The following PHACTR1 variants were observed in gnomAD, a reference collection of about 807,000 sequenced individuals.
The protein encoded by PHACTR1 is phosphatase and actin regulator 1.
In PHACTR1, 16 loss-of-function variants were observed where a neutral mutation model predicts 69.2. The ratio of observed to expected loss-of-function variants is 0.23; its 90% CI spans 0.16 to 0.35. The LOEUF (loss-of-function observed/expected upper bound fraction) is 0.35. Among genes scored for constraint, PHACTR1 ranks in the 10% least tolerant of loss-of-function variants. PHACTR1 has a pLI of 1.00. For missense variants in PHACTR1, 510 were observed against 734.7 expected, an observed-to-expected ratio of 0.69 and a Z score of 3.54; for synonymous variants, 312 against 284.5, an observed-to-expected ratio of 1.10 and a Z score of -0.97.
intron 10 of PHACTR1, among the ~76,000 whole-genome samples, chr6:13,240,438 T>TTTTTG (rs567004417): frequency 1.4e-3 from 217 of 152,120 alleles, no homozygotes; most frequent in African/African-American, 4.9e-3. Flanking sequence ...TGTTGTTGTT[T>TTTTTG]TTTTGTTTTG....
intron 4 of PHACTR1, among the ~76,000 whole-genome samples, chr6:12,918,538 G>A (rs1400035877): frequency 6.6e-6 from 1 of 152,242 alleles, no homozygotes; most frequent in Non-Finnish European, 1.5e-5. Context: ...TGTGTTGTGA[G>A]AGATGCCATC....
At chr6:12,757,808 G>A (rs1360027627) in intron 4 of PHACTR1, among the ~76,000 whole-genome samples, 1 of 152,060 alleles carries the variant, frequency 6.6e-6, no homozygotes, top group East Asian at 1.9e-4. Context: ...CATCCAAGTG[G>A]CTACATTTAA....
chr6:13,210,258 T>G (rs540312364), intron 8 of PHACTR1, among the ~76,000 whole-genome samples: 39 of 152,250 alleles, frequency 2.6e-4, no homozygotes, highest in African/African-American at 8.4e-4. Context: ...AAAGTGATCA[T>G]CCTGCCTCAG....
chr6:12,909,922 C>A (rs879646235), intron 4 of PHACTR1, among the ~76,000 whole-genome samples: 1 of 152,240 alleles, frequency 6.6e-6, no homozygotes, highest in Non-Finnish European at 1.5e-5. Flanking sequence ...CATTGGTGAT[C>A]TCTCCAAGCC....
At chr6:13,002,138 T>C (rs146656255) in intron 4 of PHACTR1, among the ~76,000 whole-genome samples, 4 of 152,336 alleles carry the variant, frequency 2.6e-5, no homozygotes, top group Middle Eastern at 3.4e-3. Flanking sequence ...TTTTATAAAG[T>C]TTGAGCTAAG....
intron 3 of PHACTR1, among the ~76,000 whole-genome samples, chr6:12,719,749 C>T (rs369057385): frequency 1.3e-5 from 2 of 152,290 alleles, no homozygotes; most frequent in South Asian, 2.1e-4. Flanking sequence ...GGGAACTTTA[C>T]ACACGCCACT....
At chr6:13,235,683 G>C (rs776343145) in intron 10 of PHACTR1, among the ~76,000 whole-genome samples, 1 of 152,136 alleles carries the variant, frequency 6.6e-6, no homozygotes, top group Non-Finnish European at 1.5e-5. Context: ...CCTATAAAAA[G>C]TCAGTCATTC....
chr6:13,273,169 C>G, intron 11 of PHACTR1: 1 of 464,648 alleles, frequency 2.2e-6, no homozygotes, highest in East Asian at 3.5e-5. Context: ...GTTGTAAAGT[C>G]AGAGAGAAGC....
intron 5 of PHACTR1, among the ~76,000 whole-genome samples, chr6:13,090,353 C>G (rs904089539): frequency 1.3e-5 from 2 of 151,654 alleles, no homozygotes; most frequent in Non-Finnish European, 2.9e-5. Flanking sequence ...ATCCAGCCAG[C>G]ACTGCATTGT....
intron 4 of PHACTR1, among the ~76,000 whole-genome samples, chr6:13,028,208 G>A (rs781393013): frequency 9.9e-5 from 15 of 152,130 alleles, no homozygotes; most frequent in African/African-American, 1.4e-4. Flanking sequence ...AATGTGCTGC[G>A]TTAGAATCTT....
At chr6:13,100,965 A>G (rs2127859405) in intron 5 of PHACTR1, among the ~76,000 whole-genome samples, 1 of 152,308 alleles carries the variant, frequency 6.6e-6, no homozygotes, top group African/African-American at 2.4e-5. Context: ...GTTAAAACTG[A>G]TGTTCCTGGG....
At position 13,286,991 on chromosome 6, in the gene PHACTR1, T is replaced by C. The variant is rs114506020; in HGVS notation, c.1728-72T>C. 8.6e-4 allele frequency: 1,303 copies of C among 1,509,586 alleles called. 11 individuals carry two copies. The African/African-American group carries it at 0.016, about 19-fold the overall frequency. 93.5% of individuals were successfully genotyped at this position (1,509,586 alleles called of 1,614,324 possible). On this transcript the variant is annotated intron_variant, in intron 14 of 14. Coordinates refer to ENST00000332995, the MANE Select transcript of PHACTR1 (RefSeq NM_030948.6). ...TCACGGTCAAGAACCTCCCTGAAGA[T>C]GGGAGATTGGACTGTTGAATCCTGC... is the stretch of plus-strand genomic sequence containing the variant.
At chr6:12,930,193 G>T (rs571801606) in intron 4 of PHACTR1, among the ~76,000 whole-genome samples, 2 of 152,156 alleles carry the variant, frequency 1.3e-5, no homozygotes, top group African/African-American at 2.4e-5. Flanking sequence ...ATAGGTGTGT[G>T]CCCCAACACC....
intron 4 of PHACTR1, among the ~76,000 whole-genome samples, chr6:13,014,588 G>A (rs1799893428): frequency 6.6e-6 from 1 of 152,154 alleles, no homozygotes; most frequent in African/African-American, 2.4e-5. Flanking sequence ...TTGGAGAGGC[G>A]GTTTGGCTGC....
rs377730239 is a variant in PHACTR1, at chr6:13,054,606, G to C, written c.415+1077G>C. ...TCACCTCTTCATTTTTGTGTGCACA[G>C]AGAGAGCATGTACGTAAGCGAGTGT... On this transcript the variant is annotated intron_variant, in intron 5 of 14. Transcript: ENST00000332995. 4.6e-5 allele frequency among the ~76,000 whole-genome samples: 7 copies of C among 152,320 alleles called. No individual in the cohort carries two copies. In the East Asian group the frequency reaches 1.3e-3, roughly 29 times the overall value.
intron 4 of PHACTR1, among the ~76,000 whole-genome samples, chr6:12,817,526 T>C (rs1274074592): frequency 1.3e-5 from 2 of 152,178 alleles, no homozygotes; most frequent in Non-Finnish European, 2.9e-5. Context: ...ATGGAAATAA[T>C]GAGATCATCT....
At chr6:12,729,506 G>A (rs184180524) in intron 3 of PHACTR1, among the ~76,000 whole-genome samples, 9 of 152,250 alleles carry the variant, frequency 5.9e-5, no homozygotes, top group East Asian at 1.9e-4. Context: ...AGAACTGCAC[G>A]TGTTAGACTC....
chr6:13,201,771 T>C (rs116463393), intron 7 of PHACTR1, among the ~76,000 whole-genome samples: 46 of 152,290 alleles, frequency 3.0e-4, no homozygotes, highest in African/African-American at 1.1e-3. Flanking sequence ...TGACTTGGTG[T>C]TAAGATGTTG....
At chr6:13,213,932 T>C (rs537698917) in intron 8 of PHACTR1, 1 of 152,362 alleles carries the variant, frequency 6.6e-6, no homozygotes, top group East Asian at 1.9e-4. Flanking sequence ...TAGGAAGTAT[T>C]CTGAAACTAT....
Sources: gnomAD v4.1 joint callset for allele counts (sites outside exome capture counted in the v4.1 genomes callset) on GRCh38, gnomAD v4.1.1 for gene constraint, MANE v1.5 for transcripts, NCBI Gene and HGNC (gene_info 2026-07-23, HGNC 2026-07-21) for gene names.